GUCY1A2: variants seen among roughly 807,000 people sequenced by gnomAD.
The protein encoded by GUCY1A2 is guanylate cyclase soluble subunit alpha-2.
In GUCY1A2, 27 loss-of-function variants were observed where a neutral mutation model predicts 63.5. That is an observed-to-expected ratio of 0.43 (90% CI 0.31 to 0.59). The LOEUF is 0.59. Ranked by LOEUF, GUCY1A2 falls within the 20% of genes least tolerant of loss-of-function variation. The pLI, the probability that GUCY1A2 is intolerant of heterozygous loss-of-function variation, is 0.11. For missense variants in GUCY1A2, 768 were observed against 913.3 expected, an observed-to-expected ratio of 0.84 and a Z score of 2.05; for synonymous variants, 364 against 343.5, an observed-to-expected ratio of 1.06 and a Z score of -0.66.
intron 5 of GUCY1A2, among the ~76,000 whole-genome samples, chr11:106,794,932 T>C (rs1051021300): frequency 4.6e-5 from 7 of 152,180 alleles, no homozygotes; most frequent in Non-Finnish European, 8.8e-5. Flanking sequence ...CTTGGTCTTC[T>C]TTCATATGAA....
chr11:106,749,404 A>G (rs376381177), intron 6 of GUCY1A2, among the ~76,000 whole-genome samples: 6 of 152,190 alleles, frequency 3.9e-5, no homozygotes, highest in South Asian at 4.2e-4. Context: ...ATCATGTTAC[A>G]TAACCCCTGC....
At chr11:106,953,064 A>G (rs999023201) in intron 3 of GUCY1A2, among the ~76,000 whole-genome samples, 1 of 152,116 alleles carries the variant, frequency 6.6e-6, no homozygotes, top group Admixed American at 6.5e-5. Context: ...TTCTAATACT[A>G]TGTTGAATAG....
chr11:106,697,091 T>C (rs1862733770), intron 7 of GUCY1A2, among the ~76,000 whole-genome samples: 2 of 152,338 alleles, frequency 1.3e-5, no homozygotes, highest in South Asian at 4.1e-4. Context: ...TAGAGGATCA[T>C]ACAAAGCAGC....
At chr11:106,880,043 C>T (rs80118868) in intron 4 of GUCY1A2, among the ~76,000 whole-genome samples, 1 of 151,888 alleles carries the variant, frequency 6.6e-6, no homozygotes. Context: ...TTCAGCATAC[C>T]CTGAGAATGC....
rs1358359146 is a variant in GUCY1A2 at position 106,687,178 on chromosome 11, A to G, written c.*371T>C. On this transcript the variant is annotated 3_prime_UTR_variant, in exon 8 of 8. Transcript: ENST00000526355. ...TCACTAAATGTAGGAATATATAATCAAAACTGGCTCTCAAAAGTGGTACAA... is the reference window on the plus strand; with the variant it reads ...TCACTAAATGTAGGAATATATAATCGAAACTGGCTCTCAAAAGTGGTACAA... 3 of 245,168 alleles carry G rather than the reference A, an allele frequency of 1.2e-5. No individual in the cohort carries two copies. Among genetic ancestry groups the G allele is most frequent in the Non-Finnish European group, 2.4e-5 (3 of 125,748 alleles). The allele number at this position is 245,168 out of a possible 1,614,324, so 15.2% of individuals were successfully genotyped here. A position where few individuals can be genotyped will look rare whatever the true frequency, so the allele number is the denominator to read the frequency against.
chr11:106,821,959 A>G (rs1858909187), intron 4 of GUCY1A2, among the ~76,000 whole-genome samples: 1 of 152,188 alleles, frequency 6.6e-6, no homozygotes, highest in Non-Finnish European at 1.5e-5. Flanking sequence ...ATTGCTTAGT[A>G]ATAAGGATAG....
At chr11:106,993,348 C>T (rs1861494728) in intron 1 of GUCY1A2, among the ~76,000 whole-genome samples, 1 of 152,148 alleles carries the variant, frequency 6.6e-6, no homozygotes, top group African/African-American at 2.4e-5. Flanking sequence ...GGCCTGTAGA[C>T]ACCAATGGAT....
intron 3 of GUCY1A2, among the ~76,000 whole-genome samples, chr11:106,956,560 G>A (rs1418150734): frequency 1.3e-5 from 2 of 152,006 alleles, no homozygotes; most frequent in Non-Finnish European, 2.9e-5. Context: ...GCTGCAGTTT[G>A]CTAGGGGTTC....
At chr11:106,882,826 T>C (rs879314804) in intron 4 of GUCY1A2, among the ~76,000 whole-genome samples, 4 of 151,996 alleles carry the variant, frequency 2.6e-5, no homozygotes, top group Non-Finnish European at 5.9e-5. Flanking sequence ...AAGAATATAG[T>C]CAACTTACAT....
intron 4 of GUCY1A2, among the ~76,000 whole-genome samples, chr11:106,932,628 T>C (rs1338661041): frequency 6.6e-6 from 1 of 152,106 alleles, no homozygotes; most frequent in Non-Finnish European, 1.5e-5. Context: ...TATTCTAAAG[T>C]TCATATGGAA....
At chr11:106,959,025 T>A (rs1043742474) in intron 3 of GUCY1A2, among the ~76,000 whole-genome samples, 3 of 152,206 alleles carry the variant, frequency 2.0e-5, no homozygotes, top group Admixed American at 2.0e-4. Context: ...ACTGCTTCTT[T>A]AGCATCGTGG....
At chr11:106,788,332 G>A (rs929480298) in intron 5 of GUCY1A2, among the ~76,000 whole-genome samples, 16 of 151,872 alleles carry the variant, frequency 1.1e-4, no homozygotes, top group Non-Finnish European at 2.4e-4. Flanking sequence ...CTCCCATTCT[G>A]TGGGTTGTCT....
chr11:106,875,199 C>A (rs1255665150), intron 4 of GUCY1A2, among the ~76,000 whole-genome samples: 1 of 152,012 alleles, frequency 6.6e-6, no homozygotes, highest in Admixed American at 6.6e-5. Flanking sequence ...AGCAAATTAC[C>A]AGGAGGTAGC....
At chr11:106,964,036 C>T (rs2120072006) in intron 3 of GUCY1A2, among the ~76,000 whole-genome samples, 1 of 151,932 alleles carries the variant, frequency 6.6e-6, no homozygotes, top group African/African-American at 2.4e-5. Context: ...TCTTTTGCTA[C>T]ACACACACAT....
Position 106,939,771 on chromosome 11 carries a change from T to C in GUCY1A2, c.895A>G (p.Thr299Ala). ...LTFLIKECENTNIMKNLPQGT... is the reference protein window; with the variant it reads ...LTFLIKECENANIMKNLPQGT... ...TGTGGAAGGTTCTTCATGATATTAG[T>C]ATTTTCACATTCTTTGATAAGGAAA... Residue 299 changes from threonine to alanine, a missense_variant, in exon 4 of 8, where the codon ACT becomes GCT. This residue lies in a region of GUCY1A2 where 496 missense variants were observed against 486.9 expected (regional missense o/e 1.02). Coordinates refer to ENST00000526355, the MANE Select transcript of GUCY1A2 (RefSeq NM_000855.3). 6.2e-7 allele frequency: 1 copy of C among 1,614,012 alleles called. No individual in the cohort carries two copies. The highest frequency in any genetic ancestry group is 8.5e-7 in the Non-Finnish European group (1 of 1,179,852).
intron 6 of GUCY1A2, among the ~76,000 whole-genome samples, chr11:106,763,396 G>A (rs1044158953): frequency 2.6e-5 from 4 of 151,964 alleles, no homozygotes; most frequent in African/African-American, 4.8e-5. Context: ...AGTATAGAAG[G>A]CAGAAAACAA....
At chr11:106,896,349 G>T (rs1179367154) in intron 4 of GUCY1A2, among the ~76,000 whole-genome samples, 2 of 152,068 alleles carry the variant, frequency 1.3e-5, no homozygotes, top group Admixed American at 1.3e-4. Flanking sequence ...AATCTCTACA[G>T]CTAACATTAT....
rs1031435689 is a variant in GUCY1A2, at chr11:106,826,328, T to A, written c.1207-15850A>T. 3 of 1,305,344 alleles carry A rather than the reference T, an allele frequency of 2.3e-6. No individual in the cohort carries two copies. In the African/African-American group the frequency reaches 4.4e-5, roughly 19 times the overall value. 80.9% of individuals were successfully genotyped at this position (1,305,344 alleles called of 1,614,324 possible). On this transcript the variant is annotated intron_variant, in intron 4 of 7. Transcript: ENST00000526355. ...ATTAACTCAATACAGTCATTCATTT[T>A]ATTGACTTGTGATTTTTCTGGTGTC...
Position 106,708,646 on chromosome 11 carries a change from T to G in GUCY1A2, c.1857A>C (p.Ser619=), listed in dbSNP as rs1197581539. The part of the protein sequence containing the change: ...RPIQMRIGIH[S]GSVLAGVVGV... ...CAACAACTCCAGCCAGCACGGAGCC[T>G]GAGTGAATTCCTATCCTCATCTAAA... The change falls in exon 7 of 8, where the codon TCA becomes TCC. Residue 619 remains serine (S), a synonymous_variant. Transcript: ENST00000526355. The G allele has an allele frequency of 6.2e-7, 1 of 1,606,084 alleles. No individual in the cohort carries two copies. The highest frequency in any genetic ancestry group is 8.5e-7 in the Non-Finnish European group (1 of 1,175,408).
Sources: gnomAD v4.1 joint callset for allele counts (sites outside exome capture counted in the v4.1 genomes callset) on GRCh38, gnomAD v4.1.1 for gene constraint, gnomAD v4.1.1 regional missense constraint, MANE v1.5 for transcripts, NCBI Gene and HGNC (gene_info 2026-07-23, HGNC 2026-07-21) for gene names.